The following GPM6B variants were observed in gnomAD, a reference collection of about 807,000 sequenced individuals.
GPM6B encodes glycoprotein M6B.
GPM6B carries 4 observed loss-of-function variants against 27.2 expected under a neutral mutation model. That is an observed-to-expected ratio of 0.15 (90% CI 0.07 to 0.34). The LOEUF is 0.34. Among genes scored for constraint, GPM6B ranks in the 10% least tolerant of loss-of-function variants. The pLI is 1.00. For synonymous variants in GPM6B, 124 were observed against 103.1 expected (o/e 1.20, Z -1.23); for missense variants, 183 against 261.9 (o/e 0.70, Z 2.08).
intron 5 of GPM6B, among the ~76,000 whole-genome samples, chrX:13,779,457 T>C (rs1373989695): frequency 8.9e-6 from 1 of 112,188 alleles, no homozygotes; most frequent in African/African-American, 3.2e-5. Context: ...TTATTTTGAA[T>C]GGAAAGTTGG....
chrX:13,795,135 A>G (rs917344366), intron 2 of GPM6B, among the ~76,000 whole-genome samples: 10 of 112,357 alleles, frequency 8.9e-5, no homozygotes, highest in African/African-American at 3.2e-4. Flanking sequence ...ACATTAACCA[A>G]TGAAATTTTT....
At chrX:13,932,408 T>G (rs1921619068) in intron 1 of GPM6B, among the ~76,000 whole-genome samples, 1 of 112,611 alleles carries the variant, frequency 8.9e-6, no homozygotes, top group Non-Finnish European at 1.9e-5. Flanking sequence ...AGACAGATAC[T>G]CTTTTTCCTA....
intron 1 of GPM6B, among the ~76,000 whole-genome samples, chrX:13,935,335 C>CAAAAAAAAA (rs60400361): frequency 9.4e-5 from 4 of 42,705 alleles, no homozygotes; most frequent in Admixed American, 3.9e-4. Context: ...CCTATCTCTA[C>CAAAAAAAAA]AAAAAAAAAA....
chrX:13,899,415 A>G (rs2050262695), intron 1 of GPM6B, among the ~76,000 whole-genome samples: 1 of 106,671 alleles, frequency 9.4e-6, no homozygotes, highest in Non-Finnish European at 1.9e-5. Context: ...CAAAAAAAAA[A>G]AAAAAAAAAA....
intron 2 of GPM6B, among the ~76,000 whole-genome samples, chrX:13,786,341 T>C (rs773803001): frequency 1.8e-5 from 2 of 112,206 alleles, no homozygotes; most frequent in African/African-American, 3.2e-5. Context: ...GAGAATCTGA[T>C]ACAGCAATTA....
intron 1 of GPM6B, among the ~76,000 whole-genome samples, chrX:13,811,090 A>C (rs1416834099): frequency 8.9e-6 from 1 of 112,231 alleles, no homozygotes; most frequent in Non-Finnish European, 1.9e-5. Context: ...GGCACCTGGC[A>C]AGAAATGGGA....
intron 1 of GPM6B, among the ~76,000 whole-genome samples, chrX:13,925,613 A>C (rs181132516): frequency 3.6e-5 from 4 of 109,864 alleles, no homozygotes; most frequent in Non-Finnish European, 7.6e-5. Context: ...ACCTTTAAAA[A>C]ATGCCACAAA....
At chrX:13,862,349 T>C (rs2049862433) in intron 1 of GPM6B, among the ~76,000 whole-genome samples, 2 of 111,842 alleles carry the variant, frequency 1.8e-5, no homozygotes, top group East Asian at 2.8e-4. Context: ...GCTGAGATCA[T>C]TCACGTGCCT....
intron 1 of GPM6B, among the ~76,000 whole-genome samples, chrX:13,865,557 A>AG (rs2049902952): frequency 1.8e-5 from 1 of 55,208 alleles, no homozygotes; most frequent in Admixed American, 2.0e-4. Context: ...AAAAAAAAAA[A>AG]AAAAAGAAAG....
intron 1 of GPM6B, among the ~76,000 whole-genome samples, chrX:13,887,266 A>T (rs1454608369): frequency 8.9e-6 from 1 of 112,597 alleles, no homozygotes; most frequent in African/African-American, 3.2e-5. Flanking sequence ...TAAGTTAATC[A>T]CTTTGGGTTT....
chrX:13,793,398 G>A (rs751466183), intron 2 of GPM6B, among the ~76,000 whole-genome samples: 4 of 111,166 alleles, frequency 3.6e-5, no homozygotes, highest in East Asian at 2.8e-4. Flanking sequence ...GCTGTGCCCC[G>A]TCCACCTTAG....
At chrX:13,781,694 C>T (rs1027421803) in intron 4 of GPM6B, among the ~76,000 whole-genome samples, 2 of 111,651 alleles carry the variant, frequency 1.8e-5, no homozygotes, top group African/African-American at 6.5e-5. Context: ...CTCCCTGCTT[C>T]GAGTTGTCCC....
intron 1 of GPM6B, among the ~76,000 whole-genome samples, chrX:13,937,682 G>A (rs988601987): frequency 3.6e-5 from 4 of 111,705 alleles, no homozygotes; most frequent in East Asian, 5.6e-4. Context: ...CCAATACAGA[G>A]TCCCCACTTA....
intron 1 of GPM6B, among the ~76,000 whole-genome samples, chrX:13,924,495 G>A (rs1921077269): frequency 9.1e-6 from 1 of 110,287 alleles, no homozygotes; most frequent in Non-Finnish European, 1.9e-5. Flanking sequence ...TAGAAACAGG[G>A]CCTCATCATG....
In GPM6B at chrX:13,795,982, A is replaced by G. The variant is rs369921864; in HGVS notation, c.182-10174T>C. 4.7e-4 allele frequency among the ~76,000 whole-genome samples: 52 copies of G among 110,440 alleles called. No individual in the cohort carries two copies. The South Asian group carries it at 0.02, about 43-fold the overall frequency. ...ACTCTTGTTGCCCAGGCTGGAGTGCAATGGTGCCAGCTCGGCTCACTGCAA... is the reference window on the plus strand; with the variant it reads ...ACTCTTGTTGCCCAGGCTGGAGTGCGATGGTGCCAGCTCGGCTCACTGCAA... On this transcript the variant is annotated intron_variant, in intron 2 of 7. Coordinates refer to ENST00000316715, the MANE Select transcript of GPM6B (RefSeq NM_001001995.3).
intron 7 of GPM6B, chrX:13,774,521 C>T (rs1229542546): frequency 8.3e-7 from 1 of 1,202,271 alleles, no homozygotes; most frequent in South Asian, 1.8e-5. Flanking sequence ...CAGAGCATAG[C>T]TCTCTAAAAC....
At chrX:13,778,295 G>A (rs774693055) in intron 5 of GPM6B, among the ~76,000 whole-genome samples, 1 of 111,625 alleles carries the variant, frequency 9.0e-6, no homozygotes, top group African/African-American at 3.3e-5. Context: ...TGATCCACCC[G>A]CCTCAGCCTC....
intron 2 of GPM6B, among the ~76,000 whole-genome samples, chrX:13,790,054 A>G (rs5979967): frequency 0.33 from 36,367 of 110,448 alleles, 4,630 homozygotes; most frequent in Non-Finnish European, 0.41. Context: ...GGGTCTCCTT[A>G]TGTTACCCAG....
upstream of GPM6B, among the ~76,000 whole-genome samples, chrX:13,820,754 T>C (rs1346346868): frequency 9.0e-6 from 1 of 111,719 alleles, no homozygotes; most frequent in Non-Finnish European, 1.9e-5. Context: ...ACAGGCTCCT[T>C]AAAGGCAGAA....
Sources: gnomAD v4.1 joint callset for allele counts (sites outside exome capture counted in the v4.1 genomes callset) on GRCh38, gnomAD v4.1.1 for gene constraint, MANE v1.5 for transcripts, NCBI Gene and HGNC (gene_info 2026-07-23, HGNC 2026-07-21) for gene names.